NKAIN2: variants seen among roughly 807,000 people sequenced by gnomAD.
NKAIN2 encodes the protein sodium/potassium transporting ATPase interacting 2, also known as sodium/potassium-transporting ATPase subunit beta-1-interacting protein 2.
A neutral mutation model predicts 32.6 loss-of-function variants in NKAIN2; 14 were observed. That is an observed-to-expected ratio of 0.43 (90% CI 0.28 to 0.67). The LOEUF is 0.67. Among genes scored for constraint, NKAIN2 ranks in the 30% least tolerant of loss-of-function variants. The probability of loss-of-function intolerance (pLI) is 0.17; values close to 1 mark genes in which losing one functional copy is unlikely to be tolerated. For missense variants in NKAIN2, 198 were observed against 258.3 expected, an observed-to-expected ratio of 0.77 and a Z score of 1.60; for synonymous variants, 80 against 87.2, an observed-to-expected ratio of 0.92 and a Z score of 0.46.
chr6:124,061,276 A>G (rs1782908223), intron 1 of NKAIN2, among the ~76,000 whole-genome samples: 1 of 152,114 alleles, frequency 6.6e-6, no homozygotes, highest in Non-Finnish European at 1.5e-5. Context: ...TAATAATGAC[A>G]TTCTCAAAGG....
chr6:124,464,937 G>A (rs1173278482), intron 3 of NKAIN2, among the ~76,000 whole-genome samples: 3 of 151,572 alleles, frequency 2.0e-5, no homozygotes, highest in Non-Finnish European at 2.9e-5. Context: ...GGATAGCATT[G>A]AATCTATAAA....
chr6:124,200,370 G>T (rs1388190862), intron 1 of NKAIN2, among the ~76,000 whole-genome samples: 1 of 152,094 alleles, frequency 6.6e-6, no homozygotes, highest in Non-Finnish European at 1.5e-5. Context: ...GGAGTAAAGC[G>T]CAGGAAATGT....
intron 3 of NKAIN2, among the ~76,000 whole-genome samples, chr6:124,532,801 G>A (rs376376457): frequency 3.9e-5 from 6 of 152,152 alleles, no homozygotes; most frequent in Non-Finnish European, 7.4e-5. Flanking sequence ...TGGTTCCAAC[G>A]TCCTCTTTGT....
intron 1 of NKAIN2, among the ~76,000 whole-genome samples, chr6:123,838,358 T>A (rs113590620): frequency 1.1e-4 from 16 of 152,290 alleles, no homozygotes; most frequent in African/African-American, 3.8e-4. Flanking sequence ...GCTGCTTTTA[T>A]TACCTCATAA....
At chr6:123,862,646 T>A in intron 1 of NKAIN2, among the ~76,000 whole-genome samples, 1 of 152,152 alleles carries the variant, frequency 6.6e-6, no homozygotes. Context: ...TTTATTCCTA[T>A]GCATTTTTCC....
chr6:124,574,913 C>T (rs1430931730), intron 3 of NKAIN2, among the ~76,000 whole-genome samples: 2 of 152,176 alleles, frequency 1.3e-5, no homozygotes, highest in African/African-American at 4.8e-5. Flanking sequence ...CTGGGTTATA[C>T]ATTCATTCAG....
At chr6:123,911,795 A>ATATGTATATATATATATGTATATATATG (rs1554222351) in intron 1 of NKAIN2, among the ~76,000 whole-genome samples, 1 of 102,788 alleles carries the variant, frequency 9.7e-6, no homozygotes, top group South Asian at 3.1e-4. Flanking sequence ...ATATATATAT[A>ATATGTATATATATATATGTATATATATG]TATATGTATA....
intron 5 of NKAIN2, among the ~76,000 whole-genome samples, chr6:124,817,961 A>G (rs560678926): frequency 2.6e-5 from 4 of 152,266 alleles, no homozygotes; most frequent in East Asian, 3.9e-4. Context: ...TAGTGCTGCA[A>G]TTGCTCATAG....
chr6:124,064,334 T>C (rs992844419), intron 1 of NKAIN2, among the ~76,000 whole-genome samples: 4 of 152,158 alleles, frequency 2.6e-5, no homozygotes, highest in African/African-American at 9.6e-5. Flanking sequence ...GTGCTTTTGC[T>C]AAAAAAATGT....
intron 2 of NKAIN2, among the ~76,000 whole-genome samples, chr6:124,340,454 T>C (rs1798069904): frequency 6.6e-6 from 1 of 152,160 alleles, no homozygotes; most frequent in Non-Finnish European, 1.5e-5. Context: ...GGGGGTTTGT[T>C]GTACATATTA....
chr6:123,987,861 C>G (rs1203339562), intron 1 of NKAIN2, among the ~76,000 whole-genome samples: 4 of 152,106 alleles, frequency 2.6e-5, no homozygotes, highest in Non-Finnish European at 5.9e-5. Flanking sequence ...TATCACAGAA[C>G]TTAATCATGG....
intron 1 of NKAIN2, among the ~76,000 whole-genome samples, chr6:124,069,615 C>T (rs1205087083): frequency 2.0e-5 from 3 of 152,186 alleles, no homozygotes; most frequent in Non-Finnish European, 4.4e-5. Flanking sequence ...AGGTGACCTA[C>T]AGCAAGTTTC....
intron 2 of NKAIN2, among the ~76,000 whole-genome samples, chr6:124,340,354 A>C (rs1487822985): frequency 6.6e-6 from 1 of 152,140 alleles, no homozygotes; most frequent in Non-Finnish European, 1.5e-5. Context: ...TTTTTTAAAA[A>C]AACTCATCCC....
Position 124,546,914 on chromosome 6 carries a change from T to G in NKAIN2, c.274-111272T>G, listed in dbSNP as rs552267111. Among the ~76,000 whole-genome samples the G allele has an allele frequency of 2.1e-4, 32 of 152,324 alleles. No individual in the cohort carries two copies. The South Asian group carries it at 6.6e-3, about 32-fold the overall frequency. On this transcript the variant is annotated intron_variant, in intron 3 of 6. Coordinates refer to ENST00000368417, the MANE Select transcript of NKAIN2 (RefSeq NM_001040214.3). ...TACAAAAGTGTCTGAAAACATGTTC[T>G]CAGCATCACAGTCCTGATACGTTGA...
At chr6:124,244,954 T>C (rs1186072951) in intron 1 of NKAIN2, among the ~76,000 whole-genome samples, 2 of 152,122 alleles carry the variant, frequency 1.3e-5, no homozygotes, top group Admixed American at 1.3e-4. Context: ...TGCTCAGTAT[T>C]TTTTAATCCA....
At chr6:124,369,964 C>T (rs1799682230) in intron 3 of NKAIN2, among the ~76,000 whole-genome samples, 1 of 131,868 alleles carries the variant, frequency 7.6e-6, no homozygotes, top group African/African-American at 2.9e-5. Flanking sequence ...TATAAAAATA[C>T]AACTCAAGGG....
At chr6:124,362,074 A>C (rs931250048) in intron 3 of NKAIN2, among the ~76,000 whole-genome samples, 1 of 152,034 alleles carries the variant, frequency 6.6e-6, no homozygotes, top group African/African-American at 2.4e-5. Context: ...ATAAAAATAT[A>C]TGAGCAATTA....
At chr6:124,517,665 T>G (rs1168216596) in intron 3 of NKAIN2, among the ~76,000 whole-genome samples, 2 of 152,156 alleles carry the variant, frequency 1.3e-5, no homozygotes, top group African/African-American at 4.8e-5. Context: ...CCAAAATAAG[T>G]TATAACCGTA....
chr6:123,804,399 T>C, intron 1 of NKAIN2, 145 bp downstream of exon 1: 1 of 737,964 alleles, frequency 1.4e-6, no homozygotes, highest in Admixed American at 2.1e-5. Context: ...TTGAAGATGA[T>C]TTCAGGGAGA....
Sources: gnomAD v4.1 joint callset for allele counts (sites outside exome capture counted in the v4.1 genomes callset) on GRCh38, gnomAD v4.1.1 for gene constraint, MANE v1.5 for transcripts, NCBI Gene and HGNC (gene_info 2026-07-23, HGNC 2026-07-21) for gene names.